MAPK6: variants seen among roughly 807,000 people sequenced by gnomAD.
MAPK6 encodes mitogen-activated protein kinase 6.
Under a neutral mutation model 59.3 loss-of-function variants are expected in MAPK6, and 19 were observed. That is an observed-to-expected ratio of 0.32 (90% confidence interval 0.22 to 0.47). The LOEUF (loss-of-function observed/expected upper bound fraction) is 0.47. Among genes scored for constraint, MAPK6 ranks in the 20% least tolerant of loss-of-function variants. MAPK6 has a pLI of 1.00. For missense variants in MAPK6, 724 were observed against 847.9 expected, an observed-to-expected ratio of 0.85 and a Z score of 1.81; for synonymous variants, 316 against 290.3, an observed-to-expected ratio of 1.09 and a Z score of -0.90.
chr15:51,985,944 T>C (rs2057189826), intron 2 of MAPK6, among the ~76,000 whole-genome samples: 1 of 150,284 alleles, frequency 6.7e-6, no homozygotes, highest in African/African-American at 2.5e-5. Context: ...GGCGACAGAG[T>C]GAGACTCCGT....
chr15:52,003,780 G>A (rs1298266196), intron 2 of MAPK6, among the ~76,000 whole-genome samples: 1 of 152,248 alleles, frequency 6.6e-6, no homozygotes, highest in Non-Finnish European at 1.5e-5. Flanking sequence ...AAAGAAAGGA[G>A]CATGATGTTG....
At position 52,063,993 on chromosome 15, in the gene MAPK6, G is replaced by A. The variant is rs367920269; in HGVS notation, c.1159G>A (p.Asp387Asn). The change falls in exon 6 of 6, where the codon GAT becomes AAT. Residue 387 changes from aspartate to asparagine, a missense_variant. Asp to Asn is a conservative substitution (Grantham distance 23, BLOSUM62 1). Transcript: ENST00000261845. ...EVQLDPRALSDVTDEEEVQVD... is the reference protein window; with the variant it reads ...EVQLDPRALSNVTDEEEVQVD... ...TCAGCTTGATCCAAGAGCTCTGTCC[G>A]ATGTCACTGATGAAGAAGAAGTACA... 1.1e-5 allele frequency: 18 copies of A among 1,613,402 alleles called. No homozygotes were observed. Among genetic ancestry groups the A allele is most frequent in the South Asian group, 8.8e-5 (8 of 91,024 alleles).
chr15:52,047,607 A>G (rs184983923), intron 2 of MAPK6, among the ~76,000 whole-genome samples: 1 of 151,200 alleles, frequency 6.6e-6, no homozygotes, highest in East Asian at 1.9e-4. Flanking sequence ...CAGCCTCCCA[A>G]AATGCTAGGA....
intron 1 of MAPK6, among the ~76,000 whole-genome samples, chr15:52,037,087 G>T (rs908090666): frequency 6.6e-6 from 1 of 151,978 alleles, no homozygotes; most frequent in African/African-American, 2.4e-5. Flanking sequence ...ACTTGAGGCC[G>T]GGAGTTCAAG....
At position 52,012,987 on chromosome 15, in the gene MAPK6, GAAAAAAAAAAAAAAAAA is replaced by G. The variant is rs869196156; in HGVS notation, c.-632+8603_-632+8619del. On this transcript the variant is annotated intron_variant, in intron 3 of 7. Coordinates refer to the MAPK6 transcript ENST00000691380. Reference sequence around the variant, plus strand: ...GGGCGACAGAGTGAGACTCCGCCTGGAAAAAAAAAAAAAAAAAAAAAAAAAAAAAAAAAATATATATA... The same window carrying G: ...GGGCGACAGAGTGAGACTCCGCCTGGAAAAAAAAAAAAAAAAATATATATA... Among the ~76,000 whole-genome samples the G allele has an allele frequency of 3.8e-3, 101 of 26,516 alleles. 2 individuals carry two copies. The highest frequency in any genetic ancestry group is 0.015 in the East Asian group (9 of 606). 17.4% of individuals were successfully genotyped at this position (26,516 alleles called of 152,430 possible).
chr15:52,025,764 G>C (rs1440056407), intron 1 of MAPK6, among the ~76,000 whole-genome samples: 1 of 152,092 alleles, frequency 6.6e-6, no homozygotes, highest in Non-Finnish European at 1.5e-5. Context: ...CTCCAGTCTG[G>C]GTGACAGAGC....
intron 1 of MAPK6, among the ~76,000 whole-genome samples, chr15:52,036,764 C>CT (rs535946933): frequency 6.6e-6 from 1 of 152,078 alleles, no homozygotes; most frequent in Non-Finnish European, 1.5e-5. Context: ...CGCAAGCTTT[C>CT]TTTTTTTCTT....
intron 2 of MAPK6, among the ~76,000 whole-genome samples, chr15:51,992,856 T>G (rs966688168): frequency 3.3e-5 from 5 of 151,854 alleles, no homozygotes; most frequent in Non-Finnish European, 7.4e-5. Context: ...GAAGAAGGGG[T>G]GTAGGACTTC....
chr15:52,028,575 C>T (rs1279491920), intron 1 of MAPK6, among the ~76,000 whole-genome samples: 1 of 152,106 alleles, frequency 6.6e-6, no homozygotes, highest in Non-Finnish European at 1.5e-5. Context: ...AAATTTAGGT[C>T]CTCAGTGATG....
intron 1 of MAPK6, among the ~76,000 whole-genome samples, chr15:51,972,338 C>G (rs887979566): frequency 6.6e-6 from 1 of 151,866 alleles, no homozygotes; most frequent in African/African-American, 2.4e-5. Context: ...GGGGTTTCAC[C>G]GTGTTGCCCA....
At chr15:51,976,022 T>G (rs1278903605) in intron 1 of MAPK6, among the ~76,000 whole-genome samples, 1 of 151,716 alleles carries the variant, frequency 6.6e-6, no homozygotes, top group Non-Finnish European at 1.5e-5. Flanking sequence ...ATCCCAGCAC[T>G]TTGGGAGGCC....
chr15:52,012,680 C>T (rs1015359707), intron 3 of MAPK6, among the ~76,000 whole-genome samples: 2 of 152,054 alleles, frequency 1.3e-5, no homozygotes, highest in Admixed American at 1.3e-4. Context: ...AGTACCTTAA[C>T]TCAAAACATT....
At chr15:52,003,878 C>T (rs370314591) in intron 2 of MAPK6, among the ~76,000 whole-genome samples, 16 of 152,206 alleles carry the variant, frequency 1.1e-4, no homozygotes, top group South Asian at 2.1e-4. Flanking sequence ...ATTGAAGTTT[C>T]ATCTTTGCTG....
exon 1 of MAPK6, chr15:51,971,897 T>C (rs17612102): frequency 0.62 from 463,391 of 751,894 alleles, 144,867 homozygotes; most frequent in East Asian, 0.77. Context: ...GTGAACCTGT[T>C]CTCGCCTGGG....
chr15:52,013,846 T>C (rs929364113), intron 3 of MAPK6, among the ~76,000 whole-genome samples: 9 of 152,232 alleles, frequency 5.9e-5, no homozygotes, highest in African/African-American at 1.9e-4. Flanking sequence ...TTGCTCAATC[T>C]ACCCTTCCTA....
chr15:52,023,106 C>CAG (rs2030603029), intron 1 of MAPK6, among the ~76,000 whole-genome samples: 1 of 73,652 alleles, frequency 1.4e-5, no homozygotes, highest in South Asian at 6.0e-4. Context: ...GACTCCGTCT[C>CAG]AAAAAAAAAA....
chr15:52,064,897 C>T lies in MAPK6; in HGVS notation c.2063C>T (p.Ser688Leu). 6.2e-7 allele frequency: 1 copy of T among 1,611,964 alleles called. No individual in the cohort carries two copies. The highest frequency in any genetic ancestry group is 8.5e-7 in the Non-Finnish European group (1 of 1,179,826). ...CCACAGTTTCACAGTCCAGTTGGGT[C>T]ACCACTTAAGTCAATACAGGCCACA... ...GIPQFHSPVG[S>L]PLKSIQATLT... The change falls in exon 6 of 6, where the codon TCA becomes TTA. Residue 688 changes from serine (S) to leucine (L), a missense_variant. Coordinates refer to ENST00000261845, the MANE Select transcript of MAPK6 (RefSeq NM_002748.4).
At chr15:52,036,618 A>C (rs1376682006) in intron 1 of MAPK6, among the ~76,000 whole-genome samples, 2 of 152,198 alleles carry the variant, frequency 1.3e-5, no homozygotes, top group Non-Finnish European at 2.9e-5. Context: ...TTGAGGATTA[A>C]GCTTCCAACC....
chr15:52,035,157 G>A (rs1005646590), intron 1 of MAPK6, among the ~76,000 whole-genome samples: 1 of 152,112 alleles, frequency 6.6e-6, no homozygotes, highest in African/African-American at 2.4e-5. Context: ...TCTTTGACTC[G>A]GCCTTAGGAG....
Sources: gnomAD v4.1 joint callset for allele counts (sites outside exome capture counted in the v4.1 genomes callset) on GRCh38, gnomAD v4.1.1 for gene constraint, MANE v1.5 for transcripts, NCBI Gene and HGNC (gene_info 2026-07-23, HGNC 2026-07-21) for gene names.